Variants in PABIR3 observed in about 807,000 individuals in gnomAD.
PABIR3 encodes the protein PABIR family member 1.
In PABIR3, 20 loss-of-function variants were observed where a neutral mutation model predicts 23.1. The observed-to-expected ratio is 0.86, with a 90% CI of 0.61 to 1.26. The LOEUF is 1.26. Among genes scored for constraint, PABIR3 ranks in the 50% most tolerant of loss-of-function variants. The pLI, the probability that PABIR3 is intolerant of heterozygous loss-of-function variation, is 0.00. For synonymous variants in PABIR3, 69 were observed against 68.5 expected (o/e 1.01, Z -0.04); for missense variants, 189 against 195.4 (o/e 0.97, Z 0.20).
intron 9 of PABIR3, among the ~76,000 whole-genome samples, chrX:134,851,536 GAA>G (rs758441936): frequency 1.5e-4 from 13 of 87,820 alleles, no homozygotes; most frequent in Non-Finnish European, 1.4e-4. Flanking sequence ...ACTCTGTCTG[GAA>G]AAAAAAAAAA....
intron 3 of PABIR3, among the ~76,000 whole-genome samples, chrX:134,817,233 A>G (rs755580587): frequency 2.3e-4 from 26 of 111,360 alleles, no homozygotes; most frequent in Non-Finnish European, 4.1e-4. Context: ...AAAACTGGAC[A>G]TTTTCTTCTT....
At chrX:134,853,249 G>A (rs2082697914) in intron 10 of PABIR3, among the ~76,000 whole-genome samples, 1 of 110,367 alleles carries the variant, frequency 9.1e-6, no homozygotes, top group Non-Finnish European at 1.9e-5. Context: ...TGTATTTTTT[G>A]TAGAGATGGG....
At chrX:134,817,431 A>T (rs1871224524) in intron 3 of PABIR3, among the ~76,000 whole-genome samples, 1 of 104,234 alleles carries the variant, frequency 9.6e-6, no homozygotes, top group Non-Finnish European at 1.9e-5. Flanking sequence ...AACGAAGCCA[A>T]CATAGTGGTT....
At chrX:134,861,285 A>G in the PABIR3 span, among the ~76,000 whole-genome samples, 2 of 108,807 alleles carry the variant, frequency 1.8e-5, no homozygotes, top group Middle Eastern at 4.7e-3. Flanking sequence ...AAAAAAAAAA[A>G]GGAAATAGTA....
intron 1 of PABIR3, among the ~76,000 whole-genome samples, chrX:134,798,144 A>G (rs758408726): frequency 2.7e-5 from 3 of 112,288 alleles, no homozygotes; most frequent in Non-Finnish European, 5.6e-5. Context: ...TTTATTTAAC[A>G]AACACCTACA....
At chrX:134,845,284 T>C (rs1212683540) in intron 5 of PABIR3, 36 bp downstream of exon 5, 11 of 1,179,740 alleles carry the variant, frequency 9.3e-6, no homozygotes, top group Non-Finnish European at 1.3e-5. Context: ...TTCTGATAAT[T>C]TGTATACTTA....
chrX:134,849,975 C>T (rs1221798388), intron 9 of PABIR3, among the ~76,000 whole-genome samples: 5 of 104,731 alleles, frequency 4.8e-5, no homozygotes, highest in South Asian at 4.4e-4. Flanking sequence ...CGGGTTCAAG[C>T]GATTCTCCTG....
In PABIR3 at chrX:134,811,400, CT is replaced by C. The variant is rs771991631; in HGVS notation, c.111-3357del. Among the ~76,000 whole-genome samples, 711 of 100,328 alleles carry C rather than the reference CT, an allele frequency of 7.1e-3. 6 individuals carry two copies. The highest frequency in any genetic ancestry group is 0.017 in the African/African-American group (469 of 27,843). 87.1% of individuals were successfully genotyped at this position (100,328 alleles called of 115,157 possible). A position where few individuals can be genotyped will look rare whatever the true frequency, so the allele number is the denominator to read the frequency against. ...CATTTAAACTGTTACTGCCTCAATT[CT>C]TTTTTTTTTTTTTCCTGAGATGGAG... On this transcript the variant is annotated intron_variant, in intron 2 of 10. Transcript: ENST00000645433.
At chrX:134,802,542 A>G (rs2080094557), upstream of PABIR3, among the ~76,000 whole-genome samples, 1 of 112,234 alleles carries the variant, frequency 8.9e-6, no homozygotes, top group Non-Finnish European at 1.9e-5. Flanking sequence ...GGGGAGACTC[A>G]CTGCTCTGAG....
chrX:134,802,494 A>T (rs1443698245), upstream of PABIR3, among the ~76,000 whole-genome samples: 1 of 111,705 alleles, frequency 9.0e-6, no homozygotes, highest in Non-Finnish European at 1.9e-5. Flanking sequence ...TAAAGGAAGA[A>T]CTCAGCCTGG....
At chrX:134,845,497 A>G (rs1038086065) in intron 6 of PABIR3, 96 bp downstream of exon 6, 1 of 746,403 alleles carries the variant, frequency 1.3e-6, no homozygotes, top group Non-Finnish European at 2.0e-6. Context: ...CTAGAAATCT[A>G]AGCTCTATTT....
chrX:134,847,225 T>C (rs2082462856), intron 6 of PABIR3, among the ~76,000 whole-genome samples, 158 bp from the exon 7 acceptor site: 1 of 112,204 alleles, frequency 8.9e-6, no homozygotes. Context: ...GAAGTGAATT[T>C]TGGGTTCCCT....
intron 3 of PABIR3, chrX:134,821,965 T>C: frequency 1.3e-6 from 1 of 761,166 alleles, no homozygotes; most frequent in Non-Finnish European, 1.6e-6. Context: ...CAATATGAAT[T>C]TTCTGTGATC....
chrX:134,851,402 G>T (rs1444636178), intron 9 of PABIR3, among the ~76,000 whole-genome samples: 1 of 109,915 alleles, frequency 9.1e-6, no homozygotes, highest in Non-Finnish European at 1.9e-5. Flanking sequence ...CAAGGGTGGT[G>T]GTGTGTGCCT....
At chrX:134,814,719 AAG>A (rs2080876290) in intron 2 of PABIR3, 50 bp from the exon 3 acceptor site, 27 of 995,873 alleles carry the variant, frequency 2.7e-5, no homozygotes, top group Admixed American at 2.4e-4. Flanking sequence ...AAAAAAAAAA[AAG>A]AATTTTGTAA....
At chrX:134,840,236 T>A (rs1287561102) in intron 4 of PABIR3, among the ~76,000 whole-genome samples, 2 of 110,608 alleles carry the variant, frequency 1.8e-5, no homozygotes, top group African/African-American at 3.3e-5. Context: ...GGCCGCAGGG[T>A]CCTCTGCCTA....
intron 2 of PABIR3, among the ~76,000 whole-genome samples, chrX:134,811,344 C>T (rs1346413781): frequency 1.8e-5 from 2 of 110,329 alleles, no homozygotes; most frequent in Non-Finnish European, 1.9e-5. Flanking sequence ...GCCAGTGCCT[C>T]CCTACCTTAA....
intron 3 of PABIR3, chrX:134,821,267 AC>A (rs2148203518): frequency 5.6e-4 from 497 of 888,946 alleles, no homozygotes; most frequent in Non-Finnish European, 6.3e-4. Flanking sequence ...AAAAAAAAAA[AC>A]TGTTCCCTCA....
At chrX:134,854,980 G>A (rs747546142), downstream of PABIR3, 6 of 111,471 alleles carry the variant, frequency 5.4e-5, no homozygotes, top group South Asian at 1.1e-3. Context: ...CATGACTACC[G>A]ATTTGATTAA....
Sources: gnomAD v4.1 joint callset for allele counts (sites outside exome capture counted in the v4.1 genomes callset) on GRCh38, gnomAD v4.1.1 for gene constraint, MANE v1.5 for transcripts, NCBI Gene and HGNC (gene_info 2026-07-23, HGNC 2026-07-21) for gene names.